The following KIAA1217 variants were observed in gnomAD, a reference collection of about 807,000 sequenced individuals.
KIAA1217 encodes KIAA1217, also known as sickle tail protein homolog.
KIAA1217 carries 88 observed loss-of-function variants against 163.9 expected under a neutral mutation model. The observed-to-expected ratio is 0.54, with a 90% CI of 0.45 to 0.64. KIAA1217 has a LOEUF of 0.64. Ranked by LOEUF, KIAA1217 falls within the 30% of genes least tolerant of loss-of-function variation. The pLI, the probability that KIAA1217 is intolerant of heterozygous loss-of-function variation, is 0.00. For missense variants in KIAA1217, 2,372 were observed against 2,475.0 expected (o/e 0.96, Z 0.88); for synonymous variants, 903 against 923.1 (o/e 0.98, Z 0.39).
chr10:24,302,036 C>T (rs879067107), intron 2 of KIAA1217, among the ~76,000 whole-genome samples: 2 of 152,284 alleles, frequency 1.3e-5, no homozygotes, highest in Middle Eastern at 3.4e-3. Context: ...CAGATTAAGA[C>T]TCCATCTCAA....
rs965441554 is a variant in KIAA1217, at chr10:24,501,071, GA to G, written c.1835-299del. On this transcript the variant is annotated intron_variant, in intron 8 of 20. Transcript: ENST00000376454. ...GCTCTACTTCCAGGGGTTAAGAAAA[GA>G]AAAAAAAATTAAAATAAAAAAAAAA... Among the ~76,000 whole-genome samples the G allele has an allele frequency of 5.4e-5, 7 of 130,666 alleles. No homozygotes were observed. In the East Asian group the frequency reaches 8.5e-4, roughly 16 times the overall value. The allele number at this position is 130,666 out of a possible 152,430, so 85.7% of individuals were successfully genotyped here. A position where few individuals can be genotyped will look rare whatever the true frequency, so the allele number is the denominator to read the frequency against.
At chr10:24,326,519 T>C (rs542175291) in intron 2 of KIAA1217, among the ~76,000 whole-genome samples, 116 of 152,330 alleles carry the variant, frequency 7.6e-4, no homozygotes, top group African/African-American at 2.7e-3. Context: ...TTCATTTTTT[T>C]CCAGTATGCT....
intron 1 of KIAA1217, among the ~76,000 whole-genome samples, chr10:23,702,933 A>G (rs1018220724): frequency 6.6e-6 from 1 of 152,124 alleles, no homozygotes; most frequent in African/African-American, 2.4e-5. Flanking sequence ...TCACCGTGTT[A>G]GCCAAGATGG....
At chr10:24,426,798 C>T (rs1359736093) in intron 3 of KIAA1217, among the ~76,000 whole-genome samples, 6 of 152,134 alleles carry the variant, frequency 3.9e-5, no homozygotes, top group East Asian at 3.9e-4. Flanking sequence ...CGTGGCGCAG[C>T]GTGTGGGATG....
chr10:24,056,179 ATAGTGG>A (rs1287597328), intron 2 of KIAA1217, among the ~76,000 whole-genome samples: 2 of 152,142 alleles, frequency 1.3e-5, no homozygotes, highest in Admixed American at 1.3e-4. Context: ...AGTCCAAAGA[ATAGTGG>A]TAACACAATT....
chr10:24,286,967 A>G (rs932829614), intron 2 of KIAA1217, among the ~76,000 whole-genome samples: 1 of 152,154 alleles, frequency 6.6e-6, no homozygotes, highest in Admixed American at 6.5e-5. Context: ...ATAATACAAA[A>G]TTCCTCAGTT....
intron 2 of KIAA1217, among the ~76,000 whole-genome samples, chr10:24,251,309 A>T (rs541948320): frequency 6.7e-6 from 1 of 148,302 alleles, no homozygotes; most frequent in East Asian, 2.1e-4. Context: ...TTAAGATGGG[A>T]GGATCCCTTG....
At chr10:23,882,375 CA>C (rs1406261648) in intron 1 of KIAA1217, among the ~76,000 whole-genome samples, 5 of 151,792 alleles carry the variant, frequency 3.3e-5, no homozygotes, top group African/African-American at 1.2e-4. Flanking sequence ...GAAGGGACTG[CA>C]TAGACACTTT....
At chr10:24,154,083 A>G (rs895948028) in intron 2 of KIAA1217, among the ~76,000 whole-genome samples, 4 of 148,514 alleles carry the variant, frequency 2.7e-5, no homozygotes, top group South Asian at 4.3e-4. Flanking sequence ...TCAGCCTCCC[A>G]AGTAGCTGGG....
chr10:24,104,325 A>C, intron 2 of KIAA1217, among the ~76,000 whole-genome samples: 1 of 152,214 alleles, frequency 6.6e-6, no homozygotes, highest in Admixed American at 6.5e-5. Context: ...ATGAACCATC[A>C]CTCAGCACTA....
chr10:23,937,558 A>G (rs777581338), intron 1 of KIAA1217, among the ~76,000 whole-genome samples: 28 of 152,106 alleles, frequency 1.8e-4, no homozygotes, highest in Non-Finnish European at 3.5e-4. Context: ...CATGTTTTAT[A>G]TGTTGCTTAC....
At chr10:23,954,548 G>C (rs919149173) in intron 1 of KIAA1217, among the ~76,000 whole-genome samples, 1 of 150,898 alleles carries the variant, frequency 6.6e-6, no homozygotes. Context: ...CTGGACACCA[G>C]AAAGAGATTC....
chr10:23,976,254 C>G (rs137938613), intron 1 of KIAA1217, among the ~76,000 whole-genome samples: 158 of 152,288 alleles, frequency 1.0e-3, no homozygotes, highest in African/African-American at 3.7e-3. Flanking sequence ...TGTTGCAAAA[C>G]TAGGACTAGA....
intron 1 of KIAA1217, among the ~76,000 whole-genome samples, chr10:23,715,449 A>G (rs184148397): frequency 6.6e-6 from 1 of 152,300 alleles, no homozygotes; most frequent in East Asian, 1.9e-4. Context: ...TTGAGATTCC[A>G]TTAGAATATG....
chr10:24,379,265 T>G (rs572982131), intron 2 of KIAA1217, among the ~76,000 whole-genome samples: 13 of 152,344 alleles, frequency 8.5e-5, no homozygotes, highest in South Asian at 2.1e-4. Context: ...ATAATTTTCC[T>G]GGTCAAATAC....
chr10:23,704,202 A>ATATATATATATATATATG (rs1564351822), intron 1 of KIAA1217, among the ~76,000 whole-genome samples: 1 of 128,368 alleles, frequency 7.8e-6, no homozygotes, highest in Non-Finnish European at 1.6e-5. Flanking sequence ...ATATATATAT[A>ATATATATATATATATATG]TATATATATA....
chr10:24,049,868 T>G (rs7900917), intron 2 of KIAA1217, among the ~76,000 whole-genome samples: 14,138 of 152,236 alleles, frequency 0.093, 983 homozygotes, highest in African/African-American at 0.19. Flanking sequence ...TTCTAGATCC[T>G]TGAGGAATCG....
intron 2 of KIAA1217, among the ~76,000 whole-genome samples, chr10:24,057,612 T>G (rs1198912296): frequency 6.6e-6 from 1 of 152,250 alleles, no homozygotes; most frequent in Non-Finnish European, 1.5e-5. Context: ...GATATCTCAT[T>G]GTGGTTTTGA....
intron 5 of KIAA1217, among the ~76,000 whole-genome samples, chr10:24,462,429 C>T (rs906366976): frequency 2.0e-5 from 3 of 152,150 alleles, no homozygotes; most frequent in Admixed American, 1.3e-4. Flanking sequence ...TCAGTGATCA[C>T]GCGTGGGCAG....
Sources: allele counts gnomAD v4.1 joint callset (sites outside exome capture counted in the v4.1 genomes callset), GRCh38; gene constraint gnomAD v4.1.1; transcripts MANE v1.5; gene names NCBI Gene and HGNC (gene_info 2026-07-23, HGNC 2026-07-21).